ESRRG: variants seen among roughly 807,000 people sequenced by gnomAD.
ESRRG encodes the protein estrogen-related receptor gamma.
Under a neutral mutation model 44.0 loss-of-function variants are expected in ESRRG, and 13 were observed. That is an observed-to-expected ratio of 0.30 (90% CI 0.19 to 0.47). The LOEUF is 0.47. Ranked by LOEUF, ESRRG falls within the 20% of genes least tolerant of loss-of-function variation. The probability of loss-of-function intolerance (pLI) is 1.00; values close to 1 mark genes in which losing one functional copy is unlikely to be tolerated. For missense variants in ESRRG, 395 were observed against 580.6 expected (o/e 0.68, Z 3.29); for synonymous variants, 215 against 214.6 (o/e 1.00, Z -0.02).
chr1:216,545,235 T>G (rs1282321919), intron 5 of ESRRG, among the ~76,000 whole-genome samples: 2 of 151,278 alleles, frequency 1.3e-5, no homozygotes, highest in Non-Finnish European at 3.0e-5. Context: ...TTTATGTTTT[T>G]TTTTTTTTTT....
intron 5 of ESRRG, among the ~76,000 whole-genome samples, chr1:216,541,210 G>T (rs960203252): frequency 6.6e-5 from 10 of 151,942 alleles, no homozygotes; most frequent in African/African-American, 9.7e-5. Context: ...CAACCCAAAA[G>T]ACGGTTTCTG....
intron 3 of ESRRG, among the ~76,000 whole-genome samples, chr1:216,592,558 T>C (rs2057839669): frequency 6.6e-6 from 1 of 152,022 alleles, no homozygotes; most frequent in African/African-American, 2.4e-5. Flanking sequence ...TGGTGTGCAG[T>C]GGTACGATCT....
intron 1 of ESRRG, among the ~76,000 whole-genome samples, chr1:217,134,628 G>T (rs886252539): frequency 6.6e-6 from 1 of 152,142 alleles, no homozygotes; most frequent in African/African-American, 2.4e-5. Flanking sequence ...CGCCGTGCGC[G>T]AGTTTCCAGC....
At chr1:216,673,525 C>T (rs2075580595) in intron 2 of ESRRG, among the ~76,000 whole-genome samples, 1 of 152,210 alleles carries the variant, frequency 6.6e-6, no homozygotes, top group South Asian at 2.1e-4. Flanking sequence ...CTTGCTCTCT[C>T]CAATACGGAG....
chr1:216,885,582 A>G (rs2096503855), intron 2 of ESRRG, among the ~76,000 whole-genome samples: 1 of 151,722 alleles, frequency 6.6e-6, no homozygotes, highest in Non-Finnish European at 1.5e-5. Flanking sequence ...GTTTTTATTG[A>G]ATGTTGATGC....
intron 2 of ESRRG, among the ~76,000 whole-genome samples, chr1:216,887,749 CATT>C (rs2057229518): frequency 6.6e-6 from 1 of 152,168 alleles, no homozygotes. Context: ...TACTCATCAT[CATT>C]GAACTGTATT....
At chr1:217,128,439 C>T (rs2092918854) in intron 1 of ESRRG, among the ~76,000 whole-genome samples, 1 of 152,196 alleles carries the variant, frequency 6.6e-6, no homozygotes, top group South Asian at 2.1e-4. Flanking sequence ...CATCTGACTA[C>T]TGTGGCCTAT....
intron 2 of ESRRG, among the ~76,000 whole-genome samples, chr1:216,780,212 T>A (rs540242732): frequency 6.6e-6 from 1 of 152,156 alleles, no homozygotes; most frequent in East Asian, 1.9e-4. Flanking sequence ...GGGCCTATCA[T>A]TCACATTATG....
intron 2 of ESRRG, among the ~76,000 whole-genome samples, chr1:216,809,869 G>C (rs1216140084): frequency 6.6e-6 from 1 of 152,130 alleles, no homozygotes; most frequent in Non-Finnish European, 1.5e-5. Context: ...CAGGCACTTG[G>C]CTCGCCTCTA....
intron 1 of ESRRG, among the ~76,000 whole-genome samples, chr1:217,050,676 C>T (rs527813842): frequency 2.0e-5 from 3 of 152,288 alleles, no homozygotes; most frequent in East Asian, 1.9e-4. Context: ...CTACCCAAAC[C>T]GAGATGTGGA....
chr1:217,036,948 C>T (rs1027874614), intron 1 of ESRRG, among the ~76,000 whole-genome samples: 4 of 152,128 alleles, frequency 2.6e-5, no homozygotes, highest in Admixed American at 1.3e-4. Flanking sequence ...CTCAGTCATG[C>T]CCGAGTTGGG....
intron 2 of ESRRG, among the ~76,000 whole-genome samples, chr1:216,741,812 C>A (rs1440873119): frequency 6.6e-6 from 1 of 152,120 alleles, no homozygotes; most frequent in Non-Finnish European, 1.5e-5. Flanking sequence ...ACCACACTTT[C>A]GTACATGGGT....
At chr1:216,751,012 G>A (rs903400362) in intron 2 of ESRRG, among the ~76,000 whole-genome samples, 5 of 152,034 alleles carry the variant, frequency 3.3e-5, no homozygotes, top group Non-Finnish European at 5.9e-5. Context: ...ACTGCTACCC[G>A]CTCTCATCAT....
At chr1:216,829,849 C>T (rs1971804) in intron 2 of ESRRG, among the ~76,000 whole-genome samples, 89,475 of 151,908 alleles carry the variant, frequency 0.59, 26,841 homozygotes, top group Non-Finnish European at 0.63. Context: ...CCACCGCGCC[C>T]GGCCTGAAAT....
chr1:216,918,343 CTCTT>C, intron 2 of ESRRG, among the ~76,000 whole-genome samples: 1 of 152,262 alleles, frequency 6.6e-6, no homozygotes, highest in East Asian at 1.9e-4. Flanking sequence ...GCCCTGCTCT[CTCTT>C]TCAAAGGAAC....
chr1:216,709,067 G>T (rs1330853033), intron 1 of ESRRG, among the ~76,000 whole-genome samples: 1 of 152,078 alleles, frequency 6.6e-6, no homozygotes, highest in Middle Eastern at 3.2e-3. Flanking sequence ...GCCTGCAGGA[G>T]AGTGGGGGGC....
In ESRRG at chr1:216,967,980, T is replaced by C. The variant is rs11117743; in HGVS notation, c.-105-28307A>G. Among the ~76,000 whole-genome samples the C allele has an allele frequency of 5.0e-3, 769 of 152,324 alleles. 5 individuals are homozygous for C. Among genetic ancestry groups the C allele is most frequent in the African/African-American group, 0.018 (741 of 41,582 alleles). ...ATTTCATTGTTGTTTTAATTTGAAA[T>C]TCCTGAGTCACATCATATGATGTTG... is the stretch of plus-strand genomic sequence containing the variant. On this transcript the variant is annotated intron_variant, in intron 1 of 7. Transcript: ENST00000359162.
chr1:216,596,548 A>C (rs1468602968), intron 3 of ESRRG, among the ~76,000 whole-genome samples: 1 of 152,130 alleles, frequency 6.6e-6, no homozygotes, highest in Non-Finnish European at 1.5e-5. Context: ...GGAGAGTGGG[A>C]GGAGAACAGA....
chr1:216,577,168 G>GGAGA (rs142792725), intron 3 of ESRRG, among the ~76,000 whole-genome samples: 1 of 149,218 alleles, frequency 6.7e-6, no homozygotes, highest in Non-Finnish European at 1.5e-5. Context: ...GATGTCAGAG[G>GGAGA]GAGAGAGAGA....
Sources: allele counts gnomAD v4.1 joint callset (sites outside exome capture counted in the v4.1 genomes callset), GRCh38; gene constraint gnomAD v4.1.1; transcripts MANE v1.5; gene names NCBI Gene and HGNC (gene_info 2026-07-23, HGNC 2026-07-21).